The following AFF2 variants were observed in gnomAD, a reference collection of about 807,000 sequenced individuals.
AFF2 encodes the protein AF4/FMR2 family member 2.
A neutral mutation model predicts 76.9 loss-of-function variants in AFF2; 14 were observed. The ratio of observed to expected loss-of-function variants is 0.18; its 90% CI spans 0.12 to 0.28. AFF2 has a LOEUF of 0.28. Ranked by LOEUF, AFF2 falls within the 10% of genes least tolerant of loss-of-function variation. AFF2 has a pLI of 1.00. For synonymous variants in AFF2, 398 were observed against 366.7 expected (o/e 1.09, Z -0.98); for missense variants, 868 against 1,001.1 (o/e 0.87, Z 1.79).
chrX:148,722,463 G>A (rs996047313), intron 3 of AFF2, among the ~76,000 whole-genome samples: 8 of 110,404 alleles, frequency 7.2e-5, no homozygotes, highest in African/African-American at 2.6e-4. Context: ...GCGAGACCTT[G>A]TAATTTCCTA....
chrX:148,966,856 GCTA>G lies in AFF2; in HGVS notation c.2983_2985del (p.Thr995del). The G allele has an allele frequency of 1.7e-6, 2 of 1,210,624 alleles. No homozygotes were observed. The highest frequency in any genetic ancestry group is 5.9e-5 in the East Asian group (2 of 33,809). ...TGTCACCAATACTGCTATTGCCACT[GCTA>G]CTGTCACTGCTACTGCCATTGTCAC... On this transcript the variant is annotated inframe_deletion, in exon 14 of 21. Coordinates refer to ENST00000370460, the MANE Select transcript of AFF2 (RefSeq NM_002025.4).
intron 3 of AFF2, among the ~76,000 whole-genome samples, chrX:148,687,929 T>A (rs2054614928): frequency 9.1e-6 from 1 of 110,446 alleles, no homozygotes; most frequent in Non-Finnish European, 1.9e-5. Context: ...CTTGTACACA[T>A]CTCTATTTGG....
At chrX:148,925,490 G>A (rs782649541) in intron 9 of AFF2, among the ~76,000 whole-genome samples, 1 of 112,447 alleles carries the variant, frequency 8.9e-6, no homozygotes, top group South Asian at 3.7e-4. Flanking sequence ...GCAGTTTGGT[G>A]TTCCAAACAG....
intron 1 of AFF2, among the ~76,000 whole-genome samples, chrX:148,615,023 C>A (rs1002873033): frequency 1.8e-5 from 2 of 109,987 alleles, no homozygotes; most frequent in African/African-American, 6.6e-5. Flanking sequence ...CCAAAGTGAA[C>A]GTAAATTTCT....
chrX:148,869,776 C>T (rs2070950105), intron 7 of AFF2, among the ~76,000 whole-genome samples: 1 of 111,911 alleles, frequency 8.9e-6, no homozygotes, highest in African/African-American at 3.2e-5. Flanking sequence ...TTGGTTCCTT[C>T]TTAGGATGTA....
intron 1 of AFF2, among the ~76,000 whole-genome samples, chrX:148,637,241 A>G (rs1833967072): frequency 8.9e-6 from 1 of 112,185 alleles, no homozygotes; most frequent in Admixed American, 9.5e-5. Context: ...CACCTCACAT[A>G]TTATTCATCA....
At chrX:148,984,694 G>A (rs1308096791) in intron 19 of AFF2, among the ~76,000 whole-genome samples, 1 of 112,043 alleles carries the variant, frequency 8.9e-6, no homozygotes, top group African/African-American at 3.2e-5. Flanking sequence ...TTAGAGAATA[G>A]TAGGGAGAAA....
chrX:148,888,629 G>T (rs1252138464), intron 8 of AFF2, among the ~76,000 whole-genome samples: 5 of 111,712 alleles, frequency 4.5e-5, no homozygotes, highest in African/African-American at 1.6e-4. Flanking sequence ...ATATAACATA[G>T]TACTGTTCAC....
intron 3 of AFF2, among the ~76,000 whole-genome samples, chrX:148,794,586 T>C (rs1557270232): frequency 3.6e-5 from 4 of 112,135 alleles, no homozygotes; most frequent in Non-Finnish European, 7.5e-5. Context: ...ACAGACTGTC[T>C]GAGTCATTGT....
chrX:148,916,126 G>A (rs1299586413), intron 9 of AFF2, among the ~76,000 whole-genome samples: 1 of 109,587 alleles, frequency 9.1e-6, no homozygotes, highest in African/African-American at 3.4e-5. Context: ...TGGAGAGTGT[G>A]GTCAAACCAT....
At chrX:148,613,817 G>C (rs1557249838) in intron 1 of AFF2, among the ~76,000 whole-genome samples, 1 of 111,628 alleles carries the variant, frequency 9.0e-6, no homozygotes, top group African/African-American at 3.3e-5. Flanking sequence ...AACATTTCCA[G>C]GTCATTCTAG....
chrX:148,763,780 C>A (rs1206157063), intron 3 of AFF2, among the ~76,000 whole-genome samples: 1 of 111,783 alleles, frequency 8.9e-6, no homozygotes, highest in South Asian at 3.7e-4. Context: ...TCCAGAAGGA[C>A]AGCTTTGAAT....
At chrX:148,713,136 G>A (rs781818378) in intron 3 of AFF2, among the ~76,000 whole-genome samples, 2 of 111,060 alleles carry the variant, frequency 1.8e-5, no homozygotes, top group East Asian at 5.7e-4. Flanking sequence ...ATATAAAGAG[G>A]CCATAGAGGC....
At chrX:148,638,750 TGA>T (rs1331593154) in intron 1 of AFF2, among the ~76,000 whole-genome samples, 2 of 110,740 alleles carry the variant, frequency 1.8e-5, no homozygotes, top group Non-Finnish European at 3.8e-5. Context: ...CCAGATCTCA[TGA>T]GAACTCATTC....
chrX:148,645,155 C>T (rs1557255197), intron 1 of AFF2, among the ~76,000 whole-genome samples: 1 of 111,269 alleles, frequency 9.0e-6, no homozygotes, highest in Non-Finnish European at 1.9e-5. Context: ...CTTCAGCAAC[C>T]ATGAAATTTT....
At chrX:148,781,462 G>A (rs782701100) in intron 3 of AFF2, among the ~76,000 whole-genome samples, 58 of 112,324 alleles carry the variant, frequency 5.2e-4, no homozygotes, top group African/African-American at 1.6e-3. Context: ...TGACTATACC[G>A]GCTTTGTGGT....
At chrX:148,501,288 G>T in intron 1 of AFF2, 144 bp downstream of exon 1, 1 of 768,852 alleles carries the variant, frequency 1.3e-6, no homozygotes. Context: ...CTCTGGCCCC[G>T]GCCGCGCTGA....
chrX:148,717,033 A>G (rs1399084214), intron 3 of AFF2, among the ~76,000 whole-genome samples: 1 of 112,527 alleles, frequency 8.9e-6, no homozygotes, highest in Non-Finnish European at 1.9e-5. Context: ...TAAAGATATC[A>G]TATAACTCAA....
At chrX:148,905,434 C>T (rs1011478391) in intron 9 of AFF2, among the ~76,000 whole-genome samples, 3 of 112,164 alleles carry the variant, frequency 2.7e-5, no homozygotes, top group African/African-American at 9.7e-5. Context: ...TTCTCTGCAG[C>T]CTGATTTCTT....
Sources: gnomAD v4.1 joint callset for allele counts (sites outside exome capture counted in the v4.1 genomes callset) on GRCh38, gnomAD v4.1.1 for gene constraint, MANE v1.5 for transcripts, NCBI Gene and HGNC (gene_info 2026-07-23, HGNC 2026-07-21) for gene names.